Variants in COX10 observed in about 807,000 individuals in gnomAD.
COX10 encodes cytochrome c oxidase assembly factor heme A:farnesyltransferase COX10.
Under a neutral mutation model 37.3 loss-of-function variants are expected in COX10, and 27 were observed. The ratio of observed to expected loss-of-function variants is 0.72; its 90% CI spans 0.53 to 1.00. The LOEUF (loss-of-function observed/expected upper bound fraction) is 1.00. Ranked by LOEUF, COX10 falls within the 50% of genes least tolerant of loss-of-function variation. The pLI, the probability that COX10 is intolerant of heterozygous loss-of-function variation, is 0.00. For synonymous variants in COX10, 222 were observed against 229.1 expected (o/e 0.97, Z 0.28); for missense variants, 475 against 563.2 (o/e 0.84, Z 1.59).
At chr17:14,115,092 T>C (rs1296786152) in intron 4 of COX10, among the ~76,000 whole-genome samples, 1 of 152,164 alleles carries the variant, frequency 6.6e-6, no homozygotes, top group Non-Finnish European at 1.5e-5. Flanking sequence ...AGTGAATGGC[T>C]GCTGAATAAA....
intron 4 of COX10, among the ~76,000 whole-genome samples, chr17:14,112,301 C>T (rs1031741126): frequency 6.6e-6 from 1 of 152,114 alleles, no homozygotes; most frequent in Non-Finnish European, 1.5e-5. Flanking sequence ...AGTTCAAATG[C>T]AGATTATTGA....
chr17:14,124,419 G>A (rs1916292066), intron 4 of COX10, among the ~76,000 whole-genome samples: 1 of 152,014 alleles, frequency 6.6e-6, no homozygotes, highest in African/African-American at 2.4e-5. Context: ...AAAGTTAAGG[G>A]GTGAAAAAAT....
intron 5 of COX10, among the ~76,000 whole-genome samples, chr17:14,163,316 G>A (rs1444828062): frequency 2.0e-5 from 3 of 151,816 alleles, no homozygotes; most frequent in Admixed American, 2.0e-4. Context: ...AGTGAGTGGC[G>A]TGATCTTGGC....
At chr17:14,167,172 G>A (rs117524741) in intron 5 of COX10, among the ~76,000 whole-genome samples, 1 of 152,120 alleles carries the variant, frequency 6.6e-6, no homozygotes, top group Non-Finnish European at 1.5e-5. Context: ...AGATACGAAA[G>A]AAATAGCAAG....
chr17:14,198,181 G>A (rs924307202), intron 6 of COX10, among the ~76,000 whole-genome samples: 1 of 152,150 alleles, frequency 6.6e-6, no homozygotes, highest in East Asian at 1.9e-4. Context: ...TGCTGGAGCC[G>A]CGGTGAAGGA....
chr17:14,186,573 A>G (rs1158006402), intron 5 of COX10, among the ~76,000 whole-genome samples: 1 of 151,894 alleles, frequency 6.6e-6, no homozygotes, highest in African/African-American at 2.4e-5. Context: ...TTGGCCACGA[A>G]CTGACCACCA....
chr17:14,159,746 G>A, intron 4 of COX10, 131 bp from the exon 5 acceptor site: 1 of 686,750 alleles, frequency 1.5e-6, no homozygotes, highest in Non-Finnish European at 2.5e-6. Context: ...TCTTCAAGAA[G>A]TGCCAGGGTA....
chr17:14,203,461 G>T (rs183776456), intron 6 of COX10, among the ~76,000 whole-genome samples: 1 of 152,068 alleles, frequency 6.6e-6, no homozygotes, highest in African/African-American at 2.4e-5. Context: ...CACAAATTCC[G>T]CTTGATAAGC....
Position 14,074,338 on chromosome 17 carries a change from C to G in COX10, c.59C>G (p.Ser20Cys). Residue 20 changes from serine (S) to cysteine (C), a missense_variant, in exon 2 of 7, where the codon TCT becomes TGT. This residue lies in a region of COX10 where 242 missense variants were observed against 242.5 expected (regional missense o/e 1.00). Transcript: ENST00000261643. ...TCTATTATAGGTTGCGTAGGAGGCT[C>G]TGTCTGGTATCTTGAAAGAAGAACT... ...SRLLTGCVGG[S>C]VWYLERRTIQ... 1 of 1,614,128 alleles carries G rather than the reference C, an allele frequency of 6.2e-7. No individual in the cohort carries two copies. The highest frequency in any genetic ancestry group is 2.2e-5 in the East Asian group (1 of 44,858).
intron 5 of COX10, among the ~76,000 whole-genome samples, chr17:14,172,037 A>G (rs1352142499): frequency 6.6e-6 from 1 of 152,066 alleles, no homozygotes; most frequent in Non-Finnish European, 1.5e-5. Flanking sequence ...TCAGCCCATC[A>G]TCAGTTTTGC....
chr17:14,125,580 A>G (rs1356577347), intron 4 of COX10, among the ~76,000 whole-genome samples: 1 of 152,206 alleles, frequency 6.6e-6, no homozygotes, highest in East Asian at 1.9e-4. Flanking sequence ...ATGAGTTTAA[A>G]GAACTAAACC....
chr17:14,085,143 G>A (rs908222994), intron 3 of COX10, among the ~76,000 whole-genome samples: 2 of 152,028 alleles, frequency 1.3e-5, no homozygotes, highest in African/African-American at 4.8e-5. Flanking sequence ...TTACTTGTCT[G>A]TAAAATGGGG....
chr17:14,126,819 T>C (rs1916351537), intron 4 of COX10, among the ~76,000 whole-genome samples: 2 of 152,100 alleles, frequency 1.3e-5, no homozygotes, highest in South Asian at 4.1e-4. Context: ...ATATCTCTCT[T>C]TTTTTGCTTT....
At chr17:14,187,509 A>AT (rs898583663) in intron 5 of COX10, among the ~76,000 whole-genome samples, 1 of 152,174 alleles carries the variant, frequency 6.6e-6, no homozygotes, top group East Asian at 1.9e-4. Flanking sequence ...CATATTCTCA[A>AT]TTTTTTTTAA....
chr17:14,192,361 A>C, intron 6 of COX10, 140 bp downstream of exon 6: 2 of 1,613,486 alleles, frequency 1.2e-6, no homozygotes, highest in Non-Finnish European at 1.7e-6. Flanking sequence ...GGCAGACTGA[A>C]ATTTTGTGGA....
intron 6 of COX10, among the ~76,000 whole-genome samples, chr17:14,204,596 C>T (rs1434402556): frequency 6.6e-6 from 1 of 152,134 alleles, no homozygotes; most frequent in Non-Finnish European, 1.5e-5. Flanking sequence ...TTCATCCCCT[C>T]ACTCCTTATC....
intron 4 of COX10, among the ~76,000 whole-genome samples, chr17:14,130,688 C>T (rs966377860): frequency 6.6e-6 from 1 of 152,004 alleles, no homozygotes. Flanking sequence ...GTTTTCTTTG[C>T]CAGCCTGATT....
At chr17:14,170,133 C>T (rs1175200345) in intron 5 of COX10, among the ~76,000 whole-genome samples, 2 of 152,148 alleles carry the variant, frequency 1.3e-5, no homozygotes, top group Admixed American at 1.3e-4. Context: ...GCCTACAGAA[C>T]AGTGAGCTAA....
At chr17:14,189,246 G>A (rs555757257) in intron 5 of COX10, among the ~76,000 whole-genome samples, 180 of 152,120 alleles carry the variant, frequency 1.2e-3, no homozygotes, top group African/African-American at 4.2e-3. Context: ...AATTGTGTGA[G>A]CTAAACCAAT....
Sources: allele counts gnomAD v4.1 joint callset (sites outside exome capture counted in the v4.1 genomes callset), GRCh38; gene constraint gnomAD v4.1.1; regional missense constraint gnomAD v4.1.1; transcripts MANE v1.5; gene names NCBI Gene and HGNC (gene_info 2026-07-23, HGNC 2026-07-21).